The following BRINP1 variants were observed in gnomAD, a reference collection of about 807,000 sequenced individuals.
The protein encoded by BRINP1 is BMP/retinoic acid-inducible neural-specific protein 1.
A neutral mutation model predicts 72.9 loss-of-function variants in BRINP1; 17 were observed. The ratio of observed to expected loss-of-function variants is 0.23; its 90% CI spans 0.16 to 0.35. The LOEUF (loss-of-function observed/expected upper bound fraction) is 0.35. Among genes scored for constraint, BRINP1 ranks in the 10% least tolerant of loss-of-function variants. The pLI is 1.00. For synonymous variants in BRINP1, 418 were observed against 378.5 expected (o/e 1.10, Z -1.21); for missense variants, 850 against 1,001.6 (o/e 0.85, Z 2.04).
intron 7 of BRINP1, among the ~76,000 whole-genome samples, chr9:119,189,594 A>C (rs1417824077): frequency 6.6e-6 from 1 of 152,180 alleles, no homozygotes; most frequent in African/African-American, 2.4e-5. Context: ...ATAACAATAA[A>C]AGCATCAGTT....
rs150266873 is a variant in BRINP1 at position 119,167,320 on chromosome 9, C to T, written c.2050G>A (p.Gly684Ser). The T allele has an allele frequency of 2.4e-4, 384 of 1,614,094 alleles. 1 individual carries two copies. In the Middle Eastern group the frequency reaches 4.5e-3, roughly 19 times the overall value. ...ACTGACGAAGAGGAATAGAACTGGCCGCCCTGTGTGTAGGACTGGTTGACC... is the reference window on the plus strand; with the variant it reads ...ACTGACGAAGAGGAATAGAACTGGCTGCCCTGTGTGTAGGACTGGTTGACC... ...QQVNQSYTQG[G>S]QFYSSSSVML... The change falls in exon 8 of 8, where the codon GGC (glycine) becomes AGC (serine). Residue 684 changes from glycine (G) to serine (S), a missense_variant. Gly to Ser is a moderately conservative substitution (Grantham distance 56). Coordinates refer to ENST00000265922, the MANE Select transcript of BRINP1 (RefSeq NM_014618.3). The surrounding 1 kb of genome is among the most constrained non-coding windows in gnomAD (Gnocchi z 4.3).
At chr9:119,358,562 C>T (rs12338150) in intron 1 of BRINP1, among the ~76,000 whole-genome samples, 5 of 152,110 alleles carry the variant, frequency 3.3e-5, no homozygotes, top group African/African-American at 4.8e-5. Flanking sequence ...GGCATGGCGG[C>T]GTGTGCCTGT....
At chr9:119,186,899 C>T (rs1399008472) in intron 7 of BRINP1, among the ~76,000 whole-genome samples, 1 of 152,108 alleles carries the variant, frequency 6.6e-6, no homozygotes, top group East Asian at 1.9e-4. Context: ...CCAGAGTCAC[C>T]ACTAAGCAGT....
At chr9:119,253,048 T>C (rs1054385854) in intron 2 of BRINP1, among the ~76,000 whole-genome samples, 1 of 152,264 alleles carries the variant, frequency 6.6e-6, no homozygotes, top group East Asian at 1.9e-4. Flanking sequence ...AGTCAGGTAC[T>C]TGGGGAGAAC....
chr9:119,227,118 A>G (rs1471008460), intron 5 of BRINP1, among the ~76,000 whole-genome samples: 1 of 152,050 alleles, frequency 6.6e-6, no homozygotes, highest in Non-Finnish European at 1.5e-5. Context: ...TTCTTATTTT[A>G]TGAACCCTCT....
chr9:119,208,945 G>A lies in BRINP1; in HGVS notation c.923-4C>T. 3 of 1,611,372 alleles carry A rather than the reference G, an allele frequency of 1.9e-6. No individual in the cohort carries two copies. The highest frequency in any genetic ancestry group is 2.5e-6 in the Non-Finnish European group (3 of 1,177,554). Reference sequence around the variant, plus strand: ...TTCATAAATGATTTAAACTCATCTAGTGAGAGACAAAGGCCGAGAGAGAAG... The same window carrying A: ...TTCATAAATGATTTAAACTCATCTAATGAGAGACAAAGGCCGAGAGAGAAG... On this transcript the variant is annotated splice_region_variant and splice_polypyrimidine_tract_variant and intron_variant, in intron 6 of 7. Transcript: ENST00000265922.
intron 2 of BRINP1, among the ~76,000 whole-genome samples, chr9:119,268,554 T>C (rs1349509171): frequency 6.6e-6 from 1 of 152,182 alleles, no homozygotes; most frequent in Non-Finnish European, 1.5e-5. Flanking sequence ...AGAGAAGCAG[T>C]CTTTGGCCAC....
intron 1 of BRINP1, among the ~76,000 whole-genome samples, chr9:119,320,165 G>A (rs1169009282): frequency 6.6e-6 from 1 of 152,134 alleles, no homozygotes; most frequent in African/African-American, 2.4e-5. Flanking sequence ...AGCCTTGGGT[G>A]GGTGGGAGAA....
rs1194085640 is a variant in BRINP1, at chr9:119,333,139, T to G, written c.-50-19734A>C. On this transcript the variant is annotated intron_variant, in intron 1 of 7. Coordinates refer to ENST00000265922, the MANE Select transcript of BRINP1 (RefSeq NM_014618.3). ...TATGTGTCTTTAATCTAGTGTGGCT[T>G]GTGAGTCTCAAGCAGTCTCTGACTT... Among the ~76,000 whole-genome samples the G allele has an allele frequency of 2.0e-5, 3 of 151,758 alleles. No homozygotes were observed. The East Asian group carries it at 5.8e-4, about 29-fold the overall frequency.
At chr9:119,303,267 C>G (rs1360021520) in intron 2 of BRINP1, among the ~76,000 whole-genome samples, 1 of 146,564 alleles carries the variant, frequency 6.8e-6, no homozygotes, top group Non-Finnish European at 1.5e-5. Context: ...TACCTACACC[C>G]CCCACCCCCA....
At chr9:119,341,697 G>T (rs1831407844) in intron 1 of BRINP1, among the ~76,000 whole-genome samples, 1 of 152,184 alleles carries the variant, frequency 6.6e-6, no homozygotes, top group Non-Finnish European at 1.5e-5. Flanking sequence ...TAGGTGTATT[G>T]AATGCATTTT....
In BRINP1 at chr9:119,238,727, T is replaced by C. The variant is rs1313682935; in HGVS notation, c.613A>G (p.Asn205Asp). ...ACAGAGTCCAGATTGTCATAGCTGT[T>C]ACAGCCCAGAGGCCCAGTGCGTGTC... ...TETRTGPLGC[N>D]SYDNLDSVSS... The change falls in exon 5 of 8, where the codon AAC (asparagine) becomes GAC (aspartate). Residue 205 changes from asparagine (N) to aspartate (D), a missense_variant. Transcript: ENST00000265922. The C allele has an allele frequency of 6.2e-7, 1 of 1,611,704 alleles. No homozygotes were observed. The highest frequency in any genetic ancestry group is 8.5e-7 in the Non-Finnish European group (1 of 1,179,360).
chr9:119,277,723 A>G (rs1319752224), intron 2 of BRINP1, among the ~76,000 whole-genome samples: 1 of 152,204 alleles, frequency 6.6e-6, no homozygotes, highest in Non-Finnish European at 1.5e-5. Flanking sequence ...GAACTAGTAC[A>G]AAATATGTCA....
chr9:119,266,940 G>A (rs977065757), intron 2 of BRINP1, among the ~76,000 whole-genome samples: 3 of 152,206 alleles, frequency 2.0e-5, no homozygotes, highest in African/African-American at 7.2e-5. Flanking sequence ...GGTTTCAGAA[G>A]GATCACTCCG....
intron 2 of BRINP1, among the ~76,000 whole-genome samples, chr9:119,267,004 A>G (rs756369703): frequency 2.6e-5 from 4 of 152,224 alleles, no homozygotes; most frequent in Non-Finnish European, 5.9e-5. Flanking sequence ...AGAAGCGGAG[A>G]TGCCACTAGG....
At chr9:119,204,386 T>C (rs1829831867) in intron 7 of BRINP1, among the ~76,000 whole-genome samples, 1 of 152,188 alleles carries the variant, frequency 6.6e-6, no homozygotes, top group South Asian at 2.1e-4. Flanking sequence ...TAGCAAGCAT[T>C]GAAGCCAAGT....
intron 7 of BRINP1, among the ~76,000 whole-genome samples, chr9:119,200,458 CA>C: frequency 6.6e-6 from 1 of 151,676 alleles, no homozygotes; most frequent in South Asian, 2.1e-4. Flanking sequence ...TCTGGCTATA[CA>C]AAAAAATTAG....
At chr9:119,310,335 A>C (rs1357519547) in intron 2 of BRINP1, among the ~76,000 whole-genome samples, 1 of 152,180 alleles carries the variant, frequency 6.6e-6, no homozygotes, top group Non-Finnish European at 1.5e-5. Flanking sequence ...CAAGTTTGTG[A>C]GTGACAGAGC....
chr9:119,222,038 A>G (rs943799741), intron 5 of BRINP1, among the ~76,000 whole-genome samples: 1 of 152,152 alleles, frequency 6.6e-6, no homozygotes, highest in Non-Finnish European at 1.5e-5. Flanking sequence ...ACAAGTTCAC[A>G]TGACATGTTT....
Sources: allele counts gnomAD v4.1 joint callset (sites outside exome capture counted in the v4.1 genomes callset), GRCh38; gene constraint gnomAD v4.1.1; non-coding constraint Gnocchi (gnomAD v3.1); transcripts MANE v1.5; gene names NCBI Gene and HGNC (gene_info 2026-07-23, HGNC 2026-07-21).